Variants in DLGAP2 observed in about 807,000 individuals in gnomAD.
DLGAP2 encodes the protein DLG associated protein 2.
DLGAP2 carries 26 observed loss-of-function variants against 100.3 expected under a neutral mutation model. The ratio of observed to expected loss-of-function variants is 0.26; its 90% CI spans 0.19 to 0.36. The LOEUF (loss-of-function observed/expected upper bound fraction) is 0.36. Ranked by LOEUF, DLGAP2 falls within the 10% of genes least tolerant of loss-of-function variation. The pLI, the probability that DLGAP2 is intolerant of heterozygous loss-of-function variation, is 1.00. For synonymous variants in DLGAP2, 886 were observed against 630.1 expected (o/e 1.41, Z -6.08); for missense variants, 1,858 against 1,453.2 (o/e 1.28, Z -4.53).
chr8:1,668,472 C>T lies in DLGAP2; in HGVS notation c.1954C>T (p.Pro652Ser), dbSNP rs1302530663. 8.2e-6 allele frequency: 13 copies of T among 1,594,704 alleles called. 1 individual carries two copies. The highest frequency in any genetic ancestry group is 1.7e-4 in the Middle Eastern group (1 of 6,060). The change falls in exon 9 of 15, where the codon CCG becomes TCG. Residue 652 changes from proline to serine, a missense_variant. Pro to Ser is a moderately conservative substitution (Grantham distance 74, BLOSUM62 -1). Coordinates refer to ENST00000637795, the MANE Select transcript of DLGAP2 (RefSeq NM_001346810.2). ...YQDSRAQRMS[P>S]WPQDSRGLYN... ...GGACAGCCGCGCACAGAGGATGTCC[C>T]CGTGGCCCCAGGACAGCCGCGGCCT...
At chr8:933,089 C>T (rs1210127927) in intron 2 of DLGAP2, among the ~76,000 whole-genome samples, 2 of 152,262 alleles carry the variant, frequency 1.3e-5, no homozygotes, top group Admixed American at 1.3e-4. Flanking sequence ...GATCCTGTCC[C>T]CGTCCGTTCC....
chr8:762,001 G>A (rs1437275718), intron 1 of DLGAP2, among the ~76,000 whole-genome samples: 14 of 152,288 alleles, frequency 9.2e-5, no homozygotes, highest in Non-Finnish European at 4.4e-5. Flanking sequence ...AACCCGCCTC[G>A]GGTGCAGCAT....
At chr8:1,342,762 G>T (rs1488756171) in intron 3 of DLGAP2, among the ~76,000 whole-genome samples, 2 of 152,220 alleles carry the variant, frequency 1.3e-5, no homozygotes, top group Non-Finnish European at 2.9e-5. Context: ...GAAATGCGGT[G>T]TGTGTGTTGA....
In DLGAP2 at chr8:1,683,616, G is replaced by C. The variant is rs931678065; in HGVS notation, c.2704+4987G>C. 4.0e-5 allele frequency among the ~76,000 whole-genome samples: 6 copies of C among 149,750 alleles called. 1 individual carries two copies. Among genetic ancestry groups the C allele is most frequent in the Non-Finnish European group, 7.4e-5 (5 of 67,352 alleles). ...ACACATCGCCTGGCACAGAGTGCCA[G>C]ACAATAGGAATGGGGAGGAAGAGAG... On this transcript the variant is annotated intron_variant, in intron 12 of 14. Coordinates refer to ENST00000637795, the MANE Select transcript of DLGAP2 (RefSeq NM_001346810.2).
At chr8:1,457,103 C>A (rs1798337431) in intron 3 of DLGAP2, among the ~76,000 whole-genome samples, 1 of 152,182 alleles carries the variant, frequency 6.6e-6, no homozygotes, top group African/African-American at 2.4e-5. Context: ...TAAAAGACTC[C>A]TATTTTATTG....
chr8:1,431,761 G>C (rs1382647561), intron 3 of DLGAP2, among the ~76,000 whole-genome samples: 1 of 152,114 alleles, frequency 6.6e-6, no homozygotes, highest in Non-Finnish European at 1.5e-5. Flanking sequence ...CTTTTCTTTA[G>C]TTTGGTGTTT....
At chr8:1,634,049 T>C (rs959792945) in intron 8 of DLGAP2, among the ~76,000 whole-genome samples, 3 of 152,196 alleles carry the variant, frequency 2.0e-5, no homozygotes, top group African/African-American at 4.8e-5. Flanking sequence ...GGCACTATCA[T>C]TGCACTTTGT....
chr8:864,475 T>C (rs919299894), intron 1 of DLGAP2, among the ~76,000 whole-genome samples: 1 of 152,188 alleles, frequency 6.6e-6, no homozygotes, highest in South Asian at 2.1e-4. Flanking sequence ...GTGAGTCAAC[T>C]AGAAAATTTT....
chr8:1,611,157 C>T (rs1391926411), intron 6 of DLGAP2, among the ~76,000 whole-genome samples: 5 of 137,428 alleles, frequency 3.6e-5, no homozygotes, highest in Admixed American at 7.2e-5. Context: ...ACTGGCAAAC[C>T]GAATCCAGCA....
At chr8:876,693 G>C (rs1040407029) in intron 1 of DLGAP2, among the ~76,000 whole-genome samples, 3 of 152,152 alleles carry the variant, frequency 2.0e-5, no homozygotes, top group African/African-American at 7.2e-5. Context: ...ATGTTTGGGA[G>C]GTTTTCAGCT....
rs569836155 is a variant in DLGAP2 at position 752,145 on chromosome 8, T to A, written c.18+14320T>A. 7.2e-4 allele frequency among the ~76,000 whole-genome samples: 109 copies of A among 152,318 alleles called. 1 individual carries two copies. The highest frequency in any genetic ancestry group is 2.5e-3 in the African/African-American group (105 of 41,590). On this transcript the variant is annotated intron_variant, in intron 1 of 14. Transcript: ENST00000637795. ...AGGGTGCTGGGTTGCCTGCACCCCC[T>A]TCTCCCTTCCCTGTGCTGAAATCAT...
chr8:1,439,862 T>A (rs957928454), intron 3 of DLGAP2, among the ~76,000 whole-genome samples: 3 of 152,124 alleles, frequency 2.0e-5, no homozygotes, highest in Non-Finnish European at 4.4e-5. Flanking sequence ...GGAGGCCTCT[T>A]GTGTGAAGAG....
chr8:1,135,192 A>T (rs944687055), intron 2 of DLGAP2, among the ~76,000 whole-genome samples: 1 of 152,192 alleles, frequency 6.6e-6, no homozygotes, highest in African/African-American at 2.4e-5. Flanking sequence ...CTTACCCTAT[A>T]TAACATTGTG....
chr8:1,043,371 C>G (rs181694570), intron 2 of DLGAP2, among the ~76,000 whole-genome samples: 2 of 95,586 alleles, frequency 2.1e-5, no homozygotes, highest in Non-Finnish European at 4.4e-5. Context: ...GGGTGGTGGA[C>G]GTGGCTGGCA....
intron 2 of DLGAP2, among the ~76,000 whole-genome samples, chr8:1,008,781 C>T (rs1483003500): frequency 1.3e-5 from 2 of 152,366 alleles, no homozygotes; most frequent in South Asian, 2.1e-4. Context: ...CCTCCACCTG[C>T]TGCATGGTGC....
At chr8:1,614,769 A>G (rs900256331) in intron 6 of DLGAP2, among the ~76,000 whole-genome samples, 3 of 151,984 alleles carry the variant, frequency 2.0e-5, no homozygotes, top group Non-Finnish European at 4.4e-5. Flanking sequence ...CTCTGGGATA[A>G]TAACTTATAT....
At chr8:895,670 C>T (rs560880636) in intron 1 of DLGAP2, among the ~76,000 whole-genome samples, 6 of 152,238 alleles carry the variant, frequency 3.9e-5, no homozygotes, top group African/African-American at 1.2e-4. Flanking sequence ...TTTATGAGAG[C>T]CCTTTCGGTG....
intron 2 of DLGAP2, among the ~76,000 whole-genome samples, chr8:1,173,710 C>G (rs369810490): frequency 2.6e-5 from 4 of 152,254 alleles, no homozygotes; most frequent in East Asian, 3.9e-4. Flanking sequence ...TCTCCTGGTG[C>G]GCCATTTTTT....
intron 3 of DLGAP2, among the ~76,000 whole-genome samples, chr8:1,460,074 A>G (rs941346825): frequency 1.3e-5 from 2 of 152,208 alleles, no homozygotes; most frequent in Non-Finnish European, 2.9e-5. Flanking sequence ...CATGTCAAGA[A>G]CACGTGCAGC....
Sources: gnomAD v4.1 joint callset for allele counts (sites outside exome capture counted in the v4.1 genomes callset) on GRCh38, gnomAD v4.1.1 for gene constraint, MANE v1.5 for transcripts, NCBI Gene and HGNC (gene_info 2026-07-23, HGNC 2026-07-21) for gene names.